Variants in PIEZO2 observed in about 807,000 individuals in gnomAD.
The protein encoded by PIEZO2 is piezo-type mechanosensitive ion channel component 2.
A neutral mutation model predicts 337.3 loss-of-function variants in PIEZO2; 172 were observed. The ratio of observed to expected loss-of-function variants is 0.51; its 90% CI spans 0.45 to 0.58. PIEZO2 has a LOEUF of 0.58. PIEZO2 is among the 20% of genes least tolerant of loss of function. The probability of loss-of-function intolerance (pLI) is 0.00; values close to 1 mark genes in which losing one functional copy is unlikely to be tolerated. For missense variants in PIEZO2, 3,028 were observed against 3,391.3 expected (o/e 0.89, Z 2.66); for synonymous variants, 1,251 against 1,228.5 (o/e 1.02, Z -0.38).
intron 20 of PIEZO2, among the ~76,000 whole-genome samples, chr18:10,771,544 T>C (rs1356178923): frequency 6.6e-6 from 1 of 152,222 alleles, no homozygotes; most frequent in East Asian, 1.9e-4. Flanking sequence ...TCTCTTTAAG[T>C]AGCTTCTTTA....
At chr18:10,791,423 C>T (rs2039407435) in intron 13 of PIEZO2, 99 bp from the exon 14 acceptor site, 8 of 1,296,894 alleles carry the variant, frequency 6.2e-6, no homozygotes, top group South Asian at 3.2e-5. Context: ...AGTGGGAGCA[C>T]AATAAATAAA....
chr18:10,959,495 A>T (rs922314089), intron 3 of PIEZO2, among the ~76,000 whole-genome samples: 4 of 152,186 alleles, frequency 2.6e-5, no homozygotes, highest in African/African-American at 9.6e-5. Flanking sequence ...TTGACATGAG[A>T]TGTCTTATAA....
At chr18:11,051,364 T>TGTGTGTGTGTGTGTGG (rs1288310705) in intron 2 of PIEZO2, among the ~76,000 whole-genome samples, 11 of 151,856 alleles carry the variant, frequency 7.2e-5, no homozygotes, top group African/African-American at 2.4e-4. Context: ...TGTGTGTGTG[T>TGTGTGTGTGTGTGTGG]GTGTGGGTGT....
Position 10,699,054 on chromosome 18 carries a change from G to A in PIEZO2, c.6565C>T (p.Leu2189=), listed in dbSNP as rs767733185. Residue 2189 remains leucine, a synonymous_variant, in exon 44 of 56, where the codon CTG becomes TTG. Transcript: ENST00000674853. The stretch of plus-strand genomic sequence containing the variant: ...TGCACTGACTCCACAGACGCGGCCA[G>A]GTTGATGGACTTGAGAGAATCGGAG... ...DSSDSLKSIN[L]AASVESVHVT... The A allele has an allele frequency of 7.2e-6, 11 of 1,537,216 alleles. No individual in the cohort carries two copies. In the South Asian group the frequency reaches 1.2e-4, roughly 17 times the overall value.
At position 10,953,526 on chromosome 18, in the gene PIEZO2, T is replaced by C. The variant is rs1427880491; in HGVS notation, c.286+26009A>G. On this transcript the variant is annotated intron_variant, in intron 3 of 55. Coordinates refer to ENST00000674853, the MANE Select transcript of PIEZO2 (RefSeq NM_001378183.1). The surrounding 1 kb of genome is among the most constrained non-coding windows in gnomAD (Gnocchi z 5.2). ...TCACAAAATTGAATTTGTATCTCTATGGAAAATCAAGTGGCCGTGCACATA... is the reference window on the plus strand; with the variant it reads ...TCACAAAATTGAATTTGTATCTCTACGGAAAATCAAGTGGCCGTGCACATA... 6.6e-6 allele frequency among the ~76,000 whole-genome samples: 1 copy of C among 152,180 alleles called. No individual in the cohort carries two copies.
At chr18:10,741,232 C>T (rs942982404) in intron 32 of PIEZO2, 130 bp from the exon 33 acceptor site, 1 of 735,210 alleles carries the variant, frequency 1.4e-6, no homozygotes, top group Non-Finnish European at 2.2e-6. Context: ...GGTAAAGGAA[C>T]TATACTGAAT....
intron 1 of PIEZO2, among the ~76,000 whole-genome samples, chr18:11,106,444 G>C (rs1317574600): frequency 3.1e-5 from 4 of 128,562 alleles, no homozygotes; most frequent in Non-Finnish European, 6.2e-5. Context: ...TTCTGAGACA[G>C]GGTCTCGCTC....
intron 4 of PIEZO2, among the ~76,000 whole-genome samples, chr18:10,885,697 A>G (rs1182463540): frequency 1.3e-5 from 2 of 152,172 alleles, no homozygotes; most frequent in Non-Finnish European, 2.9e-5. Context: ...GAACATTTAT[A>G]AGTCACTCTC....
intron 7 of PIEZO2, among the ~76,000 whole-genome samples, chr18:10,807,485 A>G (rs1231159370): frequency 6.6e-6 from 1 of 152,250 alleles, no homozygotes; most frequent in Non-Finnish European, 1.5e-5. Context: ...TAATATATAC[A>G]TTCAGTAATC....
At chr18:10,944,592 AC>A (rs2032922624) in intron 3 of PIEZO2, among the ~76,000 whole-genome samples, 1 of 149,302 alleles carries the variant, frequency 6.7e-6, no homozygotes, top group East Asian at 1.9e-4. Context: ...AGTAAAGAAC[AC>A]CAAAGACAAA....
chr18:10,676,168 G>A lies in PIEZO2; in HGVS notation c.8082-880C>T, dbSNP rs9957221. On this transcript the variant is annotated intron_variant, in intron 53 of 55. Coordinates refer to ENST00000674853, the MANE Select transcript of PIEZO2 (RefSeq NM_001378183.1). This position sits in a 1 kb window ranked among gnomAD's most constrained non-coding sequence, Gnocchi z 5.1. ...AGCCCAGTGCCTTCAATACATTCTT[G>A]AGTAGATATGCCTTATCATCTGGGA... Among the ~76,000 whole-genome samples, 7,104 of 152,250 alleles carry A rather than the reference G, an allele frequency of 0.047. 540 individuals are homozygous for A. Among genetic ancestry groups the A allele is most frequent in the African/African-American group, 0.16 (6,523 of 41,502 alleles).
At chr18:11,024,064 CG>C (rs1365936571) in intron 2 of PIEZO2, among the ~76,000 whole-genome samples, 123 of 152,308 alleles carry the variant, frequency 8.1e-4, no homozygotes, top group African/African-American at 2.9e-3. Context: ...GAGCTGGCTC[CG>C]GCCTTGGCCA....
chr18:11,118,604 G>C (rs1046224796), intron 1 of PIEZO2, among the ~76,000 whole-genome samples: 15 of 152,184 alleles, frequency 9.9e-5, no homozygotes, highest in African/African-American at 3.6e-4. Context: ...GGAATGAAAA[G>C]TATGAGAAAC....
At chr18:10,764,501 C>T (rs149958852) in intron 21 of PIEZO2, among the ~76,000 whole-genome samples, 42 of 151,190 alleles carry the variant, frequency 2.8e-4, no homozygotes, top group African/African-American at 8.3e-4. Flanking sequence ...ATTAGCCGGG[C>T]GTGGTGGCAG....
At chr18:10,812,206 C>G (rs1433937182) in intron 7 of PIEZO2, among the ~76,000 whole-genome samples, 1 of 152,192 alleles carries the variant, frequency 6.6e-6, no homozygotes, top group South Asian at 2.1e-4. Context: ...CCAATGGTAA[C>G]AAAATATGAA....
chr18:10,794,971 G>T lies in PIEZO2; in HGVS notation c.1559C>A (p.Thr520Asn). 6.5e-7 allele frequency: 1 copy of T among 1,548,048 alleles called. No individual in the cohort carries two copies. The highest frequency in any genetic ancestry group is 8.7e-7 in the Non-Finnish European group (1 of 1,147,002). Residue 520 changes from threonine (T) to asparagine (N), a missense_variant, in exon 13 of 56, where the codon ACC becomes AAC. By Grantham distance (65) the Thr-to-Asn change is moderately conservative. This residue lies in a region of PIEZO2 where 50 missense variants were observed against 88.2 expected (regional missense o/e 0.57). Coordinates refer to ENST00000674853, the MANE Select transcript of PIEZO2 (RefSeq NM_001378183.1). The surrounding 1 kb of genome is among the most constrained non-coding windows in gnomAD (Gnocchi z 6.6). ...AWSITYHSWL[T>N]FVLLIWSCTL... Reference sequence around the variant, plus strand: ...GCACGACCAGATCAGCAGCACGAAGGTCAGCCAGCTGTGATAGGTGATGCT... The same window carrying T: ...GCACGACCAGATCAGCAGCACGAAGTTCAGCCAGCTGTGATAGGTGATGCT...
intron 7 of PIEZO2, among the ~76,000 whole-genome samples, chr18:10,852,216 G>T (rs2041573734): frequency 6.6e-6 from 1 of 152,180 alleles, no homozygotes; most frequent in African/African-American, 2.4e-5. Flanking sequence ...CTATTAAAGA[G>T]GCTCCCCAGT....
Position 10,881,665 on chromosome 18 carries a change from G to A in PIEZO2, c.330-10250C>T, listed in dbSNP as rs111690511. ...GCAAATCAGTATTTTTTTCCCTAGA[G>A]AGCCAGTTGTTAAACATTTACCAAC... On this transcript the variant is annotated intron_variant, in intron 4 of 55. Coordinates refer to ENST00000674853, the MANE Select transcript of PIEZO2 (RefSeq NM_001378183.1). 1.6e-3 allele frequency among the ~76,000 whole-genome samples: 248 copies of A among 152,230 alleles called. 2 individuals carry two copies. The highest frequency in any genetic ancestry group is 3.4e-3 in the Middle Eastern group (1 of 294).
chr18:10,693,356 T>TTGTGTGTG (rs1174582024), intron 47 of PIEZO2, among the ~76,000 whole-genome samples: 4,084 of 89,960 alleles, frequency 0.045, 103 homozygotes, highest in African/African-American at 0.076. Flanking sequence ...AATCTGGATT[T>TTGTGTGTG]TGTGTGTGTG....
Sources: gnomAD v4.1 joint callset for allele counts (sites outside exome capture counted in the v4.1 genomes callset) on GRCh38, gnomAD v4.1.1 for gene constraint, gnomAD v4.1.1 regional missense constraint, Gnocchi (gnomAD v3.1) non-coding constraint, MANE v1.5 for transcripts, NCBI Gene and HGNC (gene_info 2026-07-23, HGNC 2026-07-21) for gene names.